Variants in HEPH observed in about 807,000 individuals in gnomAD.
HEPH encodes the protein hephaestin.
A neutral mutation model predicts 80.8 loss-of-function variants in HEPH; 69 were observed. The observed-to-expected ratio is 0.85, with a 90% CI of 0.70 to 1.04. The LOEUF (loss-of-function observed/expected upper bound fraction) is 1.04. Among genes scored for constraint, HEPH ranks in the 50% least tolerant of loss-of-function variants. The probability of loss-of-function intolerance (pLI) is 0.00; values close to 1 mark genes in which losing one functional copy is unlikely to be tolerated. For synonymous variants in HEPH, 431 were observed against 322.8 expected (o/e 1.34, Z -3.60); for missense variants, 1,115 against 891.3 (o/e 1.25, Z -3.20).
At chrX:66,236,540 A>G (rs1403474547) in intron 15 of HEPH, among the ~76,000 whole-genome samples, 1 of 111,764 alleles carries the variant, frequency 8.9e-6, no homozygotes, top group Non-Finnish European at 1.9e-5. Context: ...TGATATTTTC[A>G]TCAGTGTTCA....
At chrX:66,248,125 C>T (rs2090880234) in intron 15 of HEPH, among the ~76,000 whole-genome samples, 1 of 111,077 alleles carries the variant, frequency 9.0e-6, no homozygotes. Flanking sequence ...CTCTCTCTCT[C>T]CCACCTAATT....
intron 4 of HEPH, among the ~76,000 whole-genome samples, chrX:66,175,106 T>C (rs1297458727): frequency 8.9e-6 from 1 of 112,052 alleles, no homozygotes; most frequent in Non-Finnish European, 1.9e-5. Flanking sequence ...TCTACAAGGG[T>C]TTATCTAATG....
intron 15 of HEPH, among the ~76,000 whole-genome samples, chrX:66,237,110 G>T (rs774887651): frequency 5.5e-5 from 6 of 108,662 alleles, no homozygotes; most frequent in Admixed American, 9.8e-5. Context: ...GTGTGTGTTT[G>T]TGTTTCTCAG....
chrX:66,233,437 A>C (rs1259562429), intron 15 of HEPH, among the ~76,000 whole-genome samples: 1 of 111,344 alleles, frequency 9.0e-6, no homozygotes, highest in Non-Finnish European at 1.9e-5. Context: ...TTTGGCTGAG[A>C]GTGTTGCTCT....
chrX:66,204,282 T>G (rs2088642636), intron 13 of HEPH, among the ~76,000 whole-genome samples: 1 of 112,081 alleles, frequency 8.9e-6, no homozygotes, highest in Non-Finnish European at 1.9e-5. Flanking sequence ...AATCTCTAAT[T>G]AGTCAGCCAT....
At chrX:66,267,732 G>A (rs2091575042), downstream of HEPH, 1 of 111,453 alleles carries the variant, frequency 9.0e-6, no homozygotes, top group Non-Finnish European at 1.9e-5. Flanking sequence ...TGGTGTGAAA[G>A]GTCTAGTTGC....
intron 4 of HEPH, among the ~76,000 whole-genome samples, chrX:66,186,626 G>A (rs767325818): frequency 6.3e-5 from 7 of 111,855 alleles, no homozygotes; most frequent in South Asian, 3.8e-4. Context: ...AGATGAACCC[G>A]GTACCTCAGA....
At chrX:66,180,239 G>C (rs2087041867) in intron 4 of HEPH, among the ~76,000 whole-genome samples, 1 of 110,422 alleles carries the variant, frequency 9.1e-6, no homozygotes, top group Non-Finnish European at 1.9e-5. Context: ...CCATTTTTAT[G>C]TATTTCCTGG....
rs1160396556 is a variant in HEPH, at chrX:66,203,500, G to C, written c.2214G>C (p.Met738Ile). 8.3e-7 allele frequency: 1 copy of C among 1,211,650 alleles called. No individual in the cohort carries two copies. ...AAGCTGCAAGAATCTACTATATCAT[G>C]GCAGAAGAAGTAGAGTGGGACTATT... ...RYQAARIYYI[M>I]AEEVEWDYCP... The change falls in exon 13 of 21, where the codon ATG (methionine) becomes ATC (isoleucine). Residue 738 changes from methionine to isoleucine, a missense_variant. Around this residue, in one of 3 missense-constraint regions of HEPH, gnomAD observed 716 missense variants for 523.5 expected, o/e 1.37. Transcript: ENST00000343002.
intron 4 of HEPH, among the ~76,000 whole-genome samples, chrX:66,179,090 A>T (rs1569292914): frequency 8.9e-6 from 1 of 111,948 alleles, no homozygotes; most frequent in Non-Finnish European, 1.9e-5. Context: ...TCTAACATTT[A>T]AGTCTTTAAT....
intron 15 of HEPH, among the ~76,000 whole-genome samples, chrX:66,208,724 C>A (rs1264118576): frequency 3.3e-5 from 3 of 90,820 alleles, no homozygotes; most frequent in Non-Finnish European, 6.4e-5. Context: ...TAAGCCACAG[C>A]CTGAGTTTTT....
At chrX:66,167,939 T>A (rs1311715743) in intron 1 of HEPH, among the ~76,000 whole-genome samples, 1 of 112,290 alleles carries the variant, frequency 8.9e-6, no homozygotes, top group Non-Finnish European at 1.9e-5. Flanking sequence ...CTTGTGCTTC[T>A]TTATGTCACT....
chrX:66,189,424 G>A (rs955760816), intron 5 of HEPH, among the ~76,000 whole-genome samples: 6 of 111,936 alleles, frequency 5.4e-5, no homozygotes, highest in African/African-American at 1.6e-4. Flanking sequence ...GCATTTATTA[G>A]CTCTATGGCA....
chrX:66,173,792 T>G lies in HEPH; in HGVS notation c.616T>G (p.Cys206Gly). The G allele has an allele frequency of 8.5e-7, 1 of 1,180,153 alleles. No individual in the cohort carries two copies. The highest frequency in any genetic ancestry group is 3.1e-5 in the East Asian group (1 of 32,544). ...ATGLIGPLITCKRGALDGNSP... is the reference protein window; with the variant it reads ...ATGLIGPLITGKRGALDGNSP... ...TGGCCTAATTGGGCCTCTCATCACC[T>G]GTAAAAGAGGTACAGGTCCCAAGGA... is the stretch of plus-strand genomic sequence containing the variant. The change falls in exon 4 of 21, where the codon TGT becomes GGT. Residue 206 changes from cysteine (C) to glycine (G), a missense_variant. By Grantham distance (159) the Cys-to-Gly change is radical. Transcript: ENST00000343002.
intron 10 of HEPH, 56 bp downstream of exon 10, chrX:66,197,950 T>A (rs2088196654): frequency 9.7e-7 from 1 of 1,030,860 alleles, no homozygotes; most frequent in African/African-American, 1.9e-5. Context: ...GAAGCTGGGT[T>A]GCTGGATAGG....
chrX:66,203,469 G>C lies in HEPH; in HGVS notation c.2183G>C (p.Arg728Pro), dbSNP rs754144345. The change falls in exon 13 of 21, where the codon CGC becomes CCC. Residue 728 changes from arginine (R) to proline (P), a missense_variant. Coordinates refer to ENST00000343002, the MANE Select transcript of HEPH (RefSeq NM_001367233.3). ...CPGHQATPRQ[R>P]YQAARIYYIM... ...GGCCACCAAGCCACCCCTCGCCAAC[G>C]CTACCAAGCTGCAAGAATCTACTAT... is the stretch of plus-strand genomic sequence containing the variant. The C allele has an allele frequency of 8.3e-7, 1 of 1,208,765 alleles. No homozygotes were observed. Among genetic ancestry groups the C allele is most frequent in the Non-Finnish European group, 1.1e-6 (1 of 894,693 alleles).
chrX:66,249,464 T>C (rs2090932308), intron 15 of HEPH, among the ~76,000 whole-genome samples: 1 of 111,479 alleles, frequency 9.0e-6, no homozygotes, highest in African/African-American at 3.3e-5. Context: ...AAGGAACAAA[T>C]GAGGCTTGAG....
At chrX:66,180,786 C>T (rs1478834020) in intron 4 of HEPH, among the ~76,000 whole-genome samples, 5 of 88,362 alleles carry the variant, frequency 5.7e-5, no homozygotes, top group African/African-American at 1.3e-4. Flanking sequence ...CATGCTGGTG[C>T]GCTGCACCCA....
In HEPH at chrX:66,251,909, G is replaced by T. The variant is rs753235711; in HGVS notation, c.2564-3126G>T. 2.7e-5 allele frequency among the ~76,000 whole-genome samples: 3 copies of T among 112,326 alleles called. No homozygotes were observed. The East Asian group carries it at 8.4e-4, about 32-fold the overall frequency. On this transcript the variant is annotated intron_variant, in intron 15 of 20. Transcript: ENST00000343002. ...GAATTTTTGTTTAGATTTACTCACA[G>T]TGAGGAGCTGTTGCAGAGATGTGGC... is the stretch of plus-strand genomic sequence containing the variant.
Sources: allele counts gnomAD v4.1 joint callset (sites outside exome capture counted in the v4.1 genomes callset), GRCh38; gene constraint gnomAD v4.1.1; regional missense constraint gnomAD v4.1.1; transcripts MANE v1.5; gene names NCBI Gene and HGNC (gene_info 2026-07-23, HGNC 2026-07-21).